Variants in ATP8A2 observed in about 807,000 individuals in gnomAD.
ATP8A2 encodes phospholipid-transporting ATPase IB.
A neutral mutation model predicts 165.6 loss-of-function variants in ATP8A2; 100 were observed. The ratio of observed to expected loss-of-function variants is 0.60; its 90% CI spans 0.51 to 0.71. The LOEUF (loss-of-function observed/expected upper bound fraction) is 0.71. ATP8A2 is among the 30% of genes least tolerant of loss of function. The pLI is 0.00. For missense variants in ATP8A2, 1,227 were observed against 1,479.5 expected (o/e 0.83, Z 2.80); for synonymous variants, 543 against 548.8 (o/e 0.99, Z 0.15).
At chr13:25,565,386 C>G (rs1332914932) in intron 16 of ATP8A2, among the ~76,000 whole-genome samples, 2 of 152,206 alleles carry the variant, frequency 1.3e-5, no homozygotes, top group Non-Finnish European at 2.9e-5. Context: ...TCCATGCCAA[C>G]ATCTACTGTT....
At chr13:25,732,713 T>G (rs893325238) in intron 25 of ATP8A2, among the ~76,000 whole-genome samples, 4 of 152,182 alleles carry the variant, frequency 2.6e-5, no homozygotes, top group African/African-American at 9.7e-5. Context: ...CTGTGTTTTA[T>G]GAGTCAGTCA....
At chr13:25,711,488 T>C (rs533367285) in intron 25 of ATP8A2, among the ~76,000 whole-genome samples, 1 of 152,144 alleles carries the variant, frequency 6.6e-6, no homozygotes, top group African/African-American at 2.4e-5. Context: ...GGCGAAAAGG[T>C]TGTGTGAGGC....
chr13:25,909,768 C>G (rs966624075), intron 33 of ATP8A2, among the ~76,000 whole-genome samples: 10 of 152,132 alleles, frequency 6.6e-5, no homozygotes, highest in Middle Eastern at 3.2e-3. Context: ...AAACAGATCC[C>G]GTTACACAGT....
At chr13:25,810,423 T>C (rs1026146361) in intron 27 of ATP8A2, among the ~76,000 whole-genome samples, 2 of 152,024 alleles carry the variant, frequency 1.3e-5, no homozygotes, top group Non-Finnish European at 2.9e-5. Flanking sequence ...TAAATAGCAC[T>C]GACTCCATTT....
chr13:25,957,564 G>C (rs1955555757), intron 33 of ATP8A2, among the ~76,000 whole-genome samples: 1 of 152,224 alleles, frequency 6.6e-6, no homozygotes, highest in African/African-American at 2.4e-5. Flanking sequence ...ACCACCATGA[G>C]ATACCATTTG....
chr13:25,653,623 A>C (rs1046726333), intron 24 of ATP8A2, among the ~76,000 whole-genome samples: 6 of 152,238 alleles, frequency 3.9e-5, no homozygotes, highest in African/African-American at 1.4e-4. Context: ...AATTAAAAAC[A>C]AGATTTTTGT....
chr13:25,812,216 C>T lies in ATP8A2; in HGVS notation c.2680-15902C>T, dbSNP rs79842815. Among the ~76,000 whole-genome samples, 23 of 151,584 alleles carry T rather than the reference C, an allele frequency of 1.5e-4. No homozygotes were observed. The East Asian group carries it at 4.6e-3, about 30-fold the overall frequency. ...TTTGTCTTTTACCCTAACTGCATCC[C>T]ACATTTGTTTAATACTCTCAAGATG... On this transcript the variant is annotated intron_variant, in intron 27 of 36. Coordinates refer to ENST00000381655, the MANE Select transcript of ATP8A2 (RefSeq NM_016529.6).
At position 25,881,855 on chromosome 13, in the gene ATP8A2, A is replaced by T. The variant is rs140762218; in HGVS notation, c.3183+19447A>T. Reference sequence around the variant, plus strand: ...CCAGAACTACTGGACTAGAGTCTACATTTTAACTAAGCCCCAGGTAATTCA... The same window carrying T: ...CCAGAACTACTGGACTAGAGTCTACTTTTTAACTAAGCCCCAGGTAATTCA... On this transcript the variant is annotated intron_variant, in intron 33 of 36. Coordinates refer to ENST00000381655, the MANE Select transcript of ATP8A2 (RefSeq NM_016529.6). 2.2e-4 allele frequency among the ~76,000 whole-genome samples: 34 copies of T among 152,324 alleles called. No homozygotes were observed. In the East Asian group the frequency reaches 6.2e-3, roughly 28 times the overall value.
chr13:25,599,796 A>G (rs1353690654), intron 24 of ATP8A2, among the ~76,000 whole-genome samples: 3 of 152,220 alleles, frequency 2.0e-5, no homozygotes, highest in African/African-American at 4.8e-5. Context: ...TCACTTCAGT[A>G]GCTATTTTGG....
Position 25,750,513 on chromosome 13 carries a change from C to T in ATP8A2, c.2385-18533C>T, listed in dbSNP as rs1037100144. ...CCACCTGCTTCCATGTTGCTCTGCC[C>T]GGCTCCCATTCCGAAGGCCGGTGGT... is the stretch of plus-strand genomic sequence containing the variant. On this transcript the variant is annotated intron_variant, in intron 25 of 36. Coordinates refer to ENST00000381655, the MANE Select transcript of ATP8A2 (RefSeq NM_016529.6). The surrounding 1 kb of genome is among the most constrained non-coding windows in gnomAD (Gnocchi z 4.3). Among the ~76,000 whole-genome samples, 2 of 152,088 alleles carry T rather than the reference C, an allele frequency of 1.3e-5. No individual in the cohort carries two copies. Among genetic ancestry groups the T allele is most frequent in the African/African-American group, 2.4e-5 (1 of 41,410 alleles).
chr13:25,429,482 G>T (rs2034545513), intron 1 of ATP8A2, among the ~76,000 whole-genome samples: 2 of 152,034 alleles, frequency 1.3e-5, no homozygotes, highest in Non-Finnish European at 2.9e-5. Context: ...GAAGGAAAAT[G>T]GTCAGCTGGA....
chr13:25,905,117 A>G (rs1245101794), intron 33 of ATP8A2, among the ~76,000 whole-genome samples: 2 of 150,372 alleles, frequency 1.3e-5, no homozygotes. Context: ...GTTATTATCC[A>G]TTAACGTGAC....
chr13:25,724,112 C>T (rs1249783787), intron 25 of ATP8A2, among the ~76,000 whole-genome samples: 1 of 152,150 alleles, frequency 6.6e-6, no homozygotes, highest in Non-Finnish European at 1.5e-5. Context: ...ATCTTGAGCT[C>T]CAGATGAGAA....
intron 2 of ATP8A2, among the ~76,000 whole-genome samples, chr13:25,524,111 T>C (rs2037758268): frequency 6.6e-6 from 1 of 152,208 alleles, no homozygotes; most frequent in African/African-American, 2.4e-5. Flanking sequence ...AATTTCTTCA[T>C]TGACCTATCA....
At chr13:25,851,450 G>T (rs1284118450) in intron 30 of ATP8A2, among the ~76,000 whole-genome samples, 1 of 152,066 alleles carries the variant, frequency 6.6e-6, no homozygotes, top group East Asian at 1.9e-4. Flanking sequence ...AGGCATGGTG[G>T]TGGGCACCTG....
intron 24 of ATP8A2, among the ~76,000 whole-genome samples, chr13:25,634,386 T>A (rs1483858790): frequency 6.6e-6 from 1 of 152,202 alleles, no homozygotes; most frequent in Non-Finnish European, 1.5e-5. Context: ...AATGGTGACA[T>A]TATGCTGTAA....
At chr13:25,466,199 A>AT (rs1397066511) in intron 1 of ATP8A2, among the ~76,000 whole-genome samples, 2 of 151,462 alleles carry the variant, frequency 1.3e-5, no homozygotes, top group Admixed American at 6.6e-5. Flanking sequence ...GCCACAGGCT[A>AT]TTTTTTTTGG....
At position 25,673,222 on chromosome 13, in the gene ATP8A2, A is replaced by T. The variant is rs1407003951; in HGVS notation, c.2212-25951A>T. On this transcript the variant is annotated intron_variant, in intron 24 of 36. Coordinates refer to ENST00000381655, the MANE Select transcript of ATP8A2 (RefSeq NM_016529.6). ...CTCTCACTGTTCCTGTGATTTTCAG[A>T]TTGTACTATTAGCAGAGTTCTGCAG... 2.6e-5 allele frequency among the ~76,000 whole-genome samples: 4 copies of T among 152,296 alleles called. No individual in the cohort carries two copies. The East Asian group carries it at 7.7e-4, about 29-fold the overall frequency.
At chr13:25,815,071 T>G (rs1950976620) in intron 27 of ATP8A2, among the ~76,000 whole-genome samples, 1 of 151,774 alleles carries the variant, frequency 6.6e-6, no homozygotes, top group Non-Finnish European at 1.5e-5. Context: ...ATCAAAGACC[T>G]AAACGTAAGA....
Sources: allele counts gnomAD v4.1 joint callset (sites outside exome capture counted in the v4.1 genomes callset), GRCh38; gene constraint gnomAD v4.1.1; non-coding constraint Gnocchi (gnomAD v3.1); transcripts MANE v1.5; gene names NCBI Gene and HGNC (gene_info 2026-07-23, HGNC 2026-07-21).